The following ADK variants were observed in gnomAD, a reference collection of about 807,000 sequenced individuals.
ADK encodes the protein adenosine kinase.
Under a neutral mutation model 44.7 loss-of-function variants are expected in ADK, and 24 were observed. The observed-to-expected ratio is 0.54, with a 90% CI of 0.39 to 0.76. ADK has a LOEUF of 0.76. ADK is among the 30% of genes least tolerant of loss of function. The probability of loss-of-function intolerance (pLI) is 0.00; values close to 1 mark genes in which losing one functional copy is unlikely to be tolerated. For missense variants in ADK, 321 were observed against 425.1 expected, an observed-to-expected ratio of 0.76 and a Z score of 2.15; for synonymous variants, 128 against 142.6, an observed-to-expected ratio of 0.90 and a Z score of 0.73.
intron 9 of ADK, among the ~76,000 whole-genome samples, chr10:74,635,921 CAAA>C (rs11294383): frequency 4.6e-5 from 6 of 129,594 alleles, no homozygotes; most frequent in Admixed American, 7.7e-5. Flanking sequence ...CCATCTCTAC[CAAA>C]AAAAAAAAAA....
At chr10:74,589,246 T>G (rs1851634267) in intron 7 of ADK, 36 bp from the exon 8 acceptor site, 5 of 1,606,518 alleles carry the variant, frequency 3.1e-6, no homozygotes, top group Non-Finnish European at 4.3e-6. Flanking sequence ...TACCGAGCAC[T>G]TTATAATTAA....
intron 9 of ADK, among the ~76,000 whole-genome samples, chr10:74,656,828 C>T (rs888889736): frequency 6.6e-5 from 10 of 152,100 alleles, no homozygotes; most frequent in Admixed American, 1.3e-4. Context: ...AATTCAAAGT[C>T]CCACATGAGA....
intron 3 of ADK, among the ~76,000 whole-genome samples, chr10:74,248,906 A>G (rs953685887): frequency 2.0e-5 from 3 of 152,222 alleles, no homozygotes. Flanking sequence ...AATTTGGCAG[A>G]GAAAAGGATG....
At chr10:74,503,609 T>G (rs1224284483) in intron 6 of ADK, among the ~76,000 whole-genome samples, 1 of 152,200 alleles carries the variant, frequency 6.6e-6, no homozygotes, top group Non-Finnish European at 1.5e-5. Context: ...TAATTAAAAT[T>G]GATAGGACCT....
chr10:74,290,078 GCACACACACA>G (rs1554838780), intron 3 of ADK, among the ~76,000 whole-genome samples: 1 of 149,014 alleles, frequency 6.7e-6, no homozygotes, highest in South Asian at 2.1e-4. Context: ...CTACTCACGC[GCACACACACA>G]CACACACACA....
intron 4 of ADK, among the ~76,000 whole-genome samples, chr10:74,316,831 G>A (rs2131810335): frequency 6.6e-6 from 1 of 151,962 alleles, no homozygotes; most frequent in East Asian, 1.9e-4. Flanking sequence ...TTCTCCCTCA[G>A]CTTTCTCCCT....
intron 4 of ADK, among the ~76,000 whole-genome samples, chr10:74,337,077 T>G (rs1433018155): frequency 1.3e-5 from 2 of 152,198 alleles, no homozygotes; most frequent in Non-Finnish European, 2.9e-5. Flanking sequence ...TTTGTTGTGG[T>G]GGGTGGTTTA....
intron 7 of ADK, among the ~76,000 whole-genome samples, chr10:74,526,097 C>A (rs1849028270): frequency 6.6e-6 from 1 of 152,072 alleles, no homozygotes. Context: ...GCACATTCAT[C>A]ACTTTTTTAA....
At chr10:74,325,338 C>G (rs569361317) in intron 4 of ADK, among the ~76,000 whole-genome samples, 21 of 151,968 alleles carry the variant, frequency 1.4e-4, no homozygotes, top group African/African-American at 4.8e-4. Context: ...TATTTTGTGT[C>G]CTACAACTTT....
intron 6 of ADK, among the ~76,000 whole-genome samples, chr10:74,468,762 G>A (rs1846448362): frequency 6.6e-6 from 1 of 152,002 alleles, no homozygotes; most frequent in Non-Finnish European, 1.5e-5. Context: ...AAAAATAAAT[G>A]GCATTATGAA....
chr10:74,327,820 T>C (rs1841073332), intron 4 of ADK, among the ~76,000 whole-genome samples: 1 of 152,186 alleles, frequency 6.6e-6, no homozygotes, highest in Admixed American at 6.5e-5. Context: ...TTTGCTTATA[T>C]CAGGTTATTT....
At chr10:74,561,494 C>T (rs1850457026) in intron 7 of ADK, among the ~76,000 whole-genome samples, 1 of 152,134 alleles carries the variant, frequency 6.6e-6, no homozygotes. Flanking sequence ...TAAATGTAGA[C>T]TTTATCTGTC....
intron 4 of ADK, among the ~76,000 whole-genome samples, chr10:74,364,890 A>T (rs1403471277): frequency 2.6e-5 from 4 of 152,076 alleles, no homozygotes; most frequent in Non-Finnish European, 5.9e-5. Context: ...TTTTCCTGAC[A>T]CTTTCTTTCT....
intron 4 of ADK, among the ~76,000 whole-genome samples, chr10:74,323,425 C>T (rs995953365): frequency 6.6e-6 from 1 of 152,102 alleles, no homozygotes; most frequent in Non-Finnish European, 1.5e-5. Context: ...TACACATTTC[C>T]TTCTTCTTTA....
At chr10:74,508,833 T>G (rs970424481) in intron 6 of ADK, among the ~76,000 whole-genome samples, 1 of 152,210 alleles carries the variant, frequency 6.6e-6, no homozygotes, top group Non-Finnish European at 1.5e-5. Flanking sequence ...TTATTTTAGA[T>G]GCATGCATAT....
At chr10:74,699,794 A>G (rs1856351188) in intron 10 of ADK, among the ~76,000 whole-genome samples, 1 of 152,262 alleles carries the variant, frequency 6.6e-6, no homozygotes, top group South Asian at 2.1e-4. Flanking sequence ...AAAGATGTTC[A>G]GCTTCACTTA....
At chr10:74,290,226 C>A (rs1045289762) in intron 3 of ADK, among the ~76,000 whole-genome samples, 1 of 152,028 alleles carries the variant, frequency 6.6e-6, no homozygotes, top group African/African-American at 2.4e-5. Flanking sequence ...ACTTTGTCAG[C>A]CTGCTTCTTT....
intron 4 of ADK, among the ~76,000 whole-genome samples, chr10:74,391,687 A>C (rs1843338165): frequency 6.6e-6 from 1 of 151,472 alleles, no homozygotes; most frequent in Admixed American, 6.6e-5. Context: ...ACACACACAC[A>C]CACACACACA....
At chr10:74,547,818 C>G (rs561424919) in intron 7 of ADK, among the ~76,000 whole-genome samples, 2 of 152,298 alleles carry the variant, frequency 1.3e-5, no homozygotes, top group South Asian at 4.1e-4. Flanking sequence ...GCCACAACAT[C>G]CGGCTAATTT....
Sources: allele counts gnomAD v4.1 joint callset (sites outside exome capture counted in the v4.1 genomes callset), GRCh38; gene constraint gnomAD v4.1.1; transcripts MANE v1.5; gene names NCBI Gene and HGNC (gene_info 2026-07-23, HGNC 2026-07-21).